RARB: variants seen among roughly 807,000 people sequenced by gnomAD.
RARB encodes the protein retinoic acid receptor beta.
In RARB, 17 loss-of-function variants were observed where a neutral mutation model predicts 51.9. The ratio of observed to expected loss-of-function variants is 0.33; its 90% CI spans 0.22 to 0.49. The LOEUF (loss-of-function observed/expected upper bound fraction) is 0.49. Among genes scored for constraint, RARB ranks in the 20% least tolerant of loss-of-function variants. The probability of loss-of-function intolerance (pLI) is 0.99; values close to 1 mark genes in which losing one functional copy is unlikely to be tolerated. For synonymous variants in RARB, 215 were observed against 195.4 expected (o/e 1.10, Z -0.84); for missense variants, 369 against 550.8 (o/e 0.67, Z 3.30).
At chr3:25,310,381 C>G (rs1428819594) in intron 5 of RARB, among the ~76,000 whole-genome samples, 1 of 152,182 alleles carries the variant, frequency 6.6e-6, no homozygotes, top group Non-Finnish European at 1.5e-5. Flanking sequence ...CTCATTCATT[C>G]AACATTAGGT....
chr3:25,339,323 C>T (rs1486493055), intron 5 of RARB, among the ~76,000 whole-genome samples: 3 of 152,268 alleles, frequency 2.0e-5, no homozygotes, highest in Non-Finnish European at 2.9e-5. Context: ...CTCACTTGTG[C>T]CAGTCACTGA....
intron 3 of RARB, among the ~76,000 whole-genome samples, chr3:25,123,194 A>C (rs1441419490): frequency 6.6e-6 from 1 of 152,100 alleles, no homozygotes; most frequent in African/African-American, 2.4e-5. Flanking sequence ...CCATTCATTG[A>C]CAGGTTTGTC....
intron 4 of RARB, among the ~76,000 whole-genome samples, chr3:25,173,757 C>A (rs1186596427): frequency 6.6e-6 from 1 of 152,206 alleles, no homozygotes; most frequent in Non-Finnish European, 1.5e-5. Flanking sequence ...CAAAAACACT[C>A]TGCCCTCCTG....
At chr3:25,387,992 T>C (rs1706845545) in intron 5 of RARB, among the ~76,000 whole-genome samples, 1 of 152,166 alleles carries the variant, frequency 6.6e-6, no homozygotes, top group African/African-American at 2.4e-5. Context: ...CCCCGTCTCA[T>C]TGATTTTTGG....
chr3:24,979,981 C>T (rs1375262428), intron 2 of RARB, among the ~76,000 whole-genome samples: 1 of 152,180 alleles, frequency 6.6e-6, no homozygotes, highest in Non-Finnish European at 1.5e-5. Context: ...CAAAATCTTT[C>T]AGCATTTCCT....
At chr3:25,102,464 C>T (rs564451539) in intron 3 of RARB, among the ~76,000 whole-genome samples, 21 of 151,836 alleles carry the variant, frequency 1.4e-4, no homozygotes, top group African/African-American at 4.4e-4. Flanking sequence ...CACTTGAACC[C>T]GGGAGGCAGA....
chr3:25,393,515 C>T (rs1273142990), intron 5 of RARB, among the ~76,000 whole-genome samples: 2 of 152,062 alleles, frequency 1.3e-5, no homozygotes, highest in Non-Finnish European at 2.9e-5. Context: ...CCATCTGTTC[C>T]TGAACTTTTT....
chr3:25,453,243 CTTTTTTTTTTTT>C (rs758275411), intron 1 of RARB, among the ~76,000 whole-genome samples: 2 of 81,988 alleles, frequency 2.4e-5, no homozygotes, highest in African/African-American at 5.5e-5. Context: ...CAAGATTCTG[CTTTTTTTTTTTT>C]TTTTTTTTTT....
intron 5 of RARB, among the ~76,000 whole-genome samples, chr3:25,178,907 C>A (rs961925098): frequency 1.2e-4 from 19 of 152,096 alleles, no homozygotes; most frequent in Non-Finnish European, 2.8e-4. Flanking sequence ...GCTGCTTGTT[C>A]TGTTTTATTG....
chr3:25,064,933 C>A (rs954277162), intron 3 of RARB, among the ~76,000 whole-genome samples: 17 of 152,238 alleles, frequency 1.1e-4, no homozygotes, highest in Non-Finnish European at 2.5e-4. Flanking sequence ...ATGCAAATGC[C>A]CTACACTAAC....
intron 2 of RARB, among the ~76,000 whole-genome samples, chr3:24,885,127 C>A (rs2125359614): frequency 6.6e-6 from 1 of 152,120 alleles, no homozygotes; most frequent in East Asian, 1.9e-4. Context: ...GTAGAGGAAG[C>A]TTTGGGAATA....
chr3:25,270,159 A>C (rs577236938), intron 5 of RARB, among the ~76,000 whole-genome samples: 2 of 152,342 alleles, frequency 1.3e-5, no homozygotes, highest in African/African-American at 2.4e-5. Context: ...TATGGGTGTT[A>C]ACTAGAGACT....
rs1474857552 is a variant in RARB at position 25,428,481 on chromosome 3, T to G, written c.-251T>G. 1 of 1,268,888 alleles carries G rather than the reference T, an allele frequency of 7.9e-7. No homozygotes were observed. The highest frequency in any genetic ancestry group is 3.0e-5 in the East Asian group (1 of 33,304). 78.6% of individuals were successfully genotyped at this position (1,268,888 alleles called of 1,614,324 possible). A position where few individuals can be genotyped will look rare whatever the true frequency, so the allele number is the denominator to read the frequency against. On this transcript the variant is annotated 5_prime_UTR_variant, in exon 1 of 8. Coordinates refer to ENST00000330688, the MANE Select transcript of RARB (RefSeq NM_000965.5). ...TACTTGGAAGGAGAACTTGGGATCT[T>G]TCTGGGAACCCCCCGCCCCGGCTGG...
At chr3:25,328,444 C>T (rs1171152271) in intron 5 of RARB, among the ~76,000 whole-genome samples, 7 of 152,334 alleles carry the variant, frequency 4.6e-5, no homozygotes, top group Middle Eastern at 3.4e-3. Flanking sequence ...TGCTTGAACC[C>T]AAGAAGCAGA....
chr3:25,404,890 T>G (rs1419444690), intron 5 of RARB, among the ~76,000 whole-genome samples: 1 of 152,122 alleles, frequency 6.6e-6, no homozygotes, highest in South Asian at 2.1e-4. Flanking sequence ...TACTCGCTAC[T>G]TTTTTTTCAG....
Position 25,254,470 on chromosome 3 carries a change from T to A in RARB, c.178+79895T>A, listed in dbSNP as rs115611750. Among the ~76,000 whole-genome samples the A allele has an allele frequency of 2.0e-3, 303 of 152,306 alleles. 1 individual carries two copies. Among genetic ancestry groups the A allele is most frequent in the African/African-American group, 6.5e-3 (269 of 41,570 alleles). The stretch of plus-strand genomic sequence containing the variant: ...ATAGCATTCCACTCTTGCTTTTACA[T>A]AGCTGAAAAATGCATCAAGAATAAT... On this transcript the variant is annotated intron_variant, in intron 5 of 11. Coordinates refer to the RARB transcript ENST00000383772.
chr3:25,526,059 T>C (rs971281892), intron 3 of RARB, among the ~76,000 whole-genome samples: 1 of 152,124 alleles, frequency 6.6e-6, no homozygotes, highest in Non-Finnish European at 1.5e-5. Context: ...CAAGCTGTGA[T>C]AGAGAATAAG....
chr3:25,271,162 G>T (rs1049349066), intron 5 of RARB, among the ~76,000 whole-genome samples: 1 of 152,120 alleles, frequency 6.6e-6, no homozygotes, highest in Non-Finnish European at 1.5e-5. Flanking sequence ...AATTACGATG[G>T]AATATGGCTT....
At chr3:24,844,734 G>A (rs1345846226) in intron 1 of RARB, among the ~76,000 whole-genome samples, 1 of 152,164 alleles carries the variant, frequency 6.6e-6, no homozygotes, top group Admixed American at 6.5e-5. Context: ...TATACACAGA[G>A]TATATTTCAG....
Sources: gnomAD v4.1 joint callset for allele counts (sites outside exome capture counted in the v4.1 genomes callset) on GRCh38, gnomAD v4.1.1 for gene constraint, MANE v1.5 for transcripts, NCBI Gene and HGNC (gene_info 2026-07-23, HGNC 2026-07-21) for gene names.